The following ZNF385D variants were observed in gnomAD, a reference collection of about 807,000 sequenced individuals.
ZNF385D encodes the protein zinc finger protein 659.
A neutral mutation model predicts 35.8 loss-of-function variants in ZNF385D; 15 were observed. The observed-to-expected ratio is 0.42, with a 90% CI of 0.28 to 0.64. The LOEUF is 0.64. ZNF385D is among the 30% of genes least tolerant of loss of function. The pLI is 0.23. For synonymous variants in ZNF385D, 212 were observed against 186.8 expected, an observed-to-expected ratio of 1.13 and a Z score of -1.10; for missense variants, 474 against 494.6, an observed-to-expected ratio of 0.96 and a Z score of 0.39.
In ZNF385D at chr3:21,580,562, ATTTT is replaced by A. The variant is rs112913587; in HGVS notation, c.166-15882_166-15879del. Among the ~76,000 whole-genome samples the A allele has an allele frequency of 3.7e-3, 566 of 152,004 alleles. 10 individuals are homozygous for A. Among genetic ancestry groups the A allele is most frequent in the African/African-American group, 0.013 (540 of 41,478 alleles). ...ACATTTTTTTCTTGCTTTACTGCCTATTTTTTTCTTTGTTTCAGTCACCATTTAA... is the reference window on the plus strand; with the variant it reads ...ACATTTTTTTCTTGCTTTACTGCCTATTTCTTTGTTTCAGTCACCATTTAA... On this transcript the variant is annotated intron_variant, in intron 2 of 7. Transcript: ENST00000281523.
At position 21,558,513 on chromosome 3, in the gene ZNF385D, C is replaced by T. The variant is rs187649999; in HGVS notation, c.276+6061G>A. Among the ~76,000 whole-genome samples the T allele has an allele frequency of 2.7e-4, 41 of 151,844 alleles. No homozygotes were observed. In the East Asian group the frequency reaches 4.4e-3, roughly 16 times the overall value. On this transcript the variant is annotated intron_variant, in intron 3 of 7. Coordinates refer to ENST00000281523, the MANE Select transcript of ZNF385D (RefSeq NM_024697.3). ...CTTCCAATTTAATTGCACTGTGTTCCGAGAGAATGTTATGATTTCCATTCT... is the reference window on the plus strand; with the variant it reads ...CTTCCAATTTAATTGCACTGTGTTCTGAGAGAATGTTATGATTTCCATTCT...
intron 3 of ZNF385D, among the ~76,000 whole-genome samples, chr3:21,914,241 A>C (rs1700091331): frequency 6.6e-6 from 1 of 152,024 alleles, no homozygotes; most frequent in Non-Finnish European, 1.5e-5. Flanking sequence ...GTTTATTTTA[A>C]TTTTCTTGAA....
intron 3 of ZNF385D, among the ~76,000 whole-genome samples, chr3:22,123,367 A>G (rs997494568): frequency 2.0e-5 from 3 of 152,172 alleles, no homozygotes; most frequent in African/African-American, 7.2e-5. Context: ...GTATATATTT[A>G]CGGGATATTT....
intron 3 of ZNF385D, among the ~76,000 whole-genome samples, chr3:22,141,648 C>G (rs866055072): frequency 6.7e-6 from 1 of 150,258 alleles, no homozygotes; most frequent in Non-Finnish European, 1.5e-5. Flanking sequence ...AGGTTAAGAA[C>G]CAAAAGCACC....
intron 2 of ZNF385D, among the ~76,000 whole-genome samples, chr3:22,226,387 G>A (rs150307885): frequency 5.3e-5 from 8 of 152,234 alleles, no homozygotes; most frequent in South Asian, 4.1e-4. Flanking sequence ...TACCCAGCAC[G>A]AGCAGAGAGA....
At position 21,863,666 on chromosome 3, in the gene ZNF385D, T is replaced by A. The variant is rs546160114; in HGVS notation, c.326-198638A>T. Among the ~76,000 whole-genome samples, 3 of 152,220 alleles carry A rather than the reference T, an allele frequency of 2.0e-5. No homozygotes were observed. In the South Asian group the frequency reaches 6.2e-4, roughly 32 times the overall value. ...AGGTCTACTGAATAGTGGAAGAAAG[T>A]TATTCTGCAGTGATATAATTTCGAA... On this transcript the variant is annotated intron_variant, in intron 3 of 5. Transcript: ENST00000494108.
At chr3:21,967,203 GTC>G (rs1702962632) in intron 3 of ZNF385D, among the ~76,000 whole-genome samples, 1 of 152,026 alleles carries the variant, frequency 6.6e-6, no homozygotes. Flanking sequence ...GCACTGTTTA[GTC>G]TCTTTTTATC....
intron 3 of ZNF385D, among the ~76,000 whole-genome samples, chr3:22,093,449 C>G (rs1365728720): frequency 6.6e-6 from 1 of 151,672 alleles, no homozygotes; most frequent in East Asian, 1.9e-4. Flanking sequence ...TAAAGGAAAT[C>G]AAAGTAAACA....
intron 1 of ZNF385D, among the ~76,000 whole-genome samples, chr3:21,688,156 A>G (rs1222490684): frequency 6.6e-6 from 1 of 152,134 alleles, no homozygotes; most frequent in Non-Finnish European, 1.5e-5. Flanking sequence ...TTTTTTAAAA[A>G]AACTATGTAT....
At chr3:22,268,889 G>T (rs1445691174) in intron 2 of ZNF385D, among the ~76,000 whole-genome samples, 1 of 151,878 alleles carries the variant, frequency 6.6e-6, no homozygotes, top group Non-Finnish European at 1.5e-5. Flanking sequence ...TAGTGGGGGT[G>T]GGGGAGAATG....
In ZNF385D at chr3:22,208,844, T is replaced by C. The variant is rs188514649; in HGVS notation, c.107-39809A>G. On this transcript the variant is annotated intron_variant, in intron 2 of 5. Coordinates refer to the ZNF385D transcript ENST00000494108. ...CAAGCTGGCAAAACTAAAGAGAGAATAGAATTGAGTCATAGTCCTTGATGC... is the reference window on the plus strand; with the variant it reads ...CAAGCTGGCAAAACTAAAGAGAGAACAGAATTGAGTCATAGTCCTTGATGC... 2.1e-3 allele frequency among the ~76,000 whole-genome samples: 322 copies of C among 151,992 alleles called. 3 individuals carry two copies. Among genetic ancestry groups the C allele is most frequent in the Admixed American group, 3.2e-3 (49 of 15,194 alleles).
At chr3:22,083,316 A>C (rs1700855907) in intron 3 of ZNF385D, among the ~76,000 whole-genome samples, 1 of 152,186 alleles carries the variant, frequency 6.6e-6, no homozygotes, top group Non-Finnish European at 1.5e-5. Context: ...AACCCATCGC[A>C]AGGAAGGTAA....
At chr3:22,309,977 A>G (rs1414008683) in intron 2 of ZNF385D, among the ~76,000 whole-genome samples, 2 of 152,012 alleles carry the variant, frequency 1.3e-5, no homozygotes, top group African/African-American at 2.4e-5. Context: ...GGCTTGATGA[A>G]CTGCTCAATG....
At chr3:21,983,060 T>C (rs939401107) in intron 3 of ZNF385D, among the ~76,000 whole-genome samples, 34 of 151,948 alleles carry the variant, frequency 2.2e-4, no homozygotes, top group African/African-American at 8.2e-4. Context: ...TCTTTTTTTG[T>C]TGTGTCTTTG....
intron 1 of ZNF385D, among the ~76,000 whole-genome samples, chr3:21,675,216 A>G (rs575737172): frequency 4.6e-4 from 70 of 152,188 alleles, no homozygotes; most frequent in African/African-American, 1.7e-3. Context: ...TAAATGGCCC[A>G]AACACACTAA....
chr3:21,468,511 T>C (rs1444558438), intron 4 of ZNF385D, among the ~76,000 whole-genome samples: 1 of 150,654 alleles, frequency 6.6e-6, no homozygotes, highest in East Asian at 1.9e-4. Flanking sequence ...AATGGGTAAA[T>C]TGTGGTATAT....
chr3:22,016,459 T>A (rs1001196969), intron 3 of ZNF385D, among the ~76,000 whole-genome samples: 1 of 152,090 alleles, frequency 6.6e-6, no homozygotes, highest in Non-Finnish European at 1.5e-5. Context: ...TTTCTATTTA[T>A]CCTTTCCTTG....
chr3:21,753,700 T>C (rs943844469), upstream of ZNF385D, among the ~76,000 whole-genome samples: 39 of 152,312 alleles, frequency 2.6e-4, no homozygotes, highest in Admixed American at 1.1e-3. Flanking sequence ...ATTGTATACT[T>C]TTTCCTGTTT....
chr3:22,087,402 G>A (rs1375270558), intron 3 of ZNF385D, among the ~76,000 whole-genome samples: 1 of 152,026 alleles, frequency 6.6e-6, no homozygotes, highest in Non-Finnish European at 1.5e-5. Flanking sequence ...ATATGTTATG[G>A]AACTATGTTC....
Sources: allele counts gnomAD v4.1 joint callset (sites outside exome capture counted in the v4.1 genomes callset), GRCh38; gene constraint gnomAD v4.1.1; transcripts MANE v1.5; gene names NCBI Gene and HGNC (gene_info 2026-07-23, HGNC 2026-07-21).